LHFPL2: variants seen among roughly 807,000 people sequenced by gnomAD.
The protein encoded by LHFPL2 is LHFPL tetraspan subfamily member 2, also known as LHFPL tetraspan subfamily member 2 protein.
A neutral mutation model predicts 17.5 loss-of-function variants in LHFPL2; 7 were observed. The observed-to-expected ratio is 0.40, with a 90% CI of 0.23 to 0.75. The LOEUF (loss-of-function observed/expected upper bound fraction) is 0.75, where lower values mean the gene tolerates loss of function less well. Among genes scored for constraint, LHFPL2 ranks in the 30% least tolerant of loss-of-function variants. LHFPL2 has a pLI of 0.37. For synonymous variants in LHFPL2, 134 were observed against 116.2 expected (o/e 1.15, Z -0.99); for missense variants, 241 against 294.8 (o/e 0.82, Z 1.34).
chr5:78,546,619 G>A (rs998465724), intron 3 of LHFPL2, among the ~76,000 whole-genome samples: 1 of 152,216 alleles, frequency 6.6e-6, no homozygotes, highest in African/African-American at 2.4e-5. Flanking sequence ...ACTTGCTGGT[G>A]CTTACTTAGA....
chr5:78,547,766 G>A (rs1402093485), intron 3 of LHFPL2, among the ~76,000 whole-genome samples: 2 of 152,172 alleles, frequency 1.3e-5, no homozygotes, highest in African/African-American at 2.4e-5. Flanking sequence ...AGCAGGCCCC[G>A]CCTCCTCGGT....
chr5:78,515,612 T>C (rs1489579277), intron 3 of LHFPL2, among the ~76,000 whole-genome samples: 1 of 152,206 alleles, frequency 6.6e-6, no homozygotes, highest in Non-Finnish European at 1.5e-5. Context: ...CTCCAGAGTG[T>C]TGCTTCTTAA....
At chr5:78,535,648 G>A (rs1755926129) in intron 3 of LHFPL2, among the ~76,000 whole-genome samples, 1 of 152,178 alleles carries the variant, frequency 6.6e-6, no homozygotes, top group African/African-American at 2.4e-5. Flanking sequence ...TGCTGATGCT[G>A]CAGTAGGTGG....
Position 78,487,696 on chromosome 5 carries a change from G to A in LHFPL2, c.*1201C>T, listed in dbSNP as rs1754294371. The A allele has an allele frequency of 6.6e-6, 1 of 152,170 alleles. No individual in the cohort carries two copies. Among genetic ancestry groups the A allele is most frequent in the Non-Finnish European group, 1.5e-5 (1 of 68,026 alleles). The allele number at this position is 152,170 out of a possible 1,614,324, so 9.4% of individuals were successfully genotyped here. A position where few individuals can be genotyped will look rare whatever the true frequency, so the allele number is the denominator to read the frequency against. On this transcript the variant is annotated 3_prime_UTR_variant, in exon 5 of 5. Transcript: ENST00000380345. ...GGTATTTGATTCTTTTTGTAAACAG[G>A]TGTAGGCAGTGCTGTGACCTTGATC... is the stretch of plus-strand genomic sequence containing the variant.
intron 2 of LHFPL2, among the ~76,000 whole-genome samples, chr5:78,567,021 A>C (rs1460225468): frequency 6.6e-6 from 1 of 152,208 alleles, no homozygotes; most frequent in African/African-American, 2.4e-5. Flanking sequence ...TCAAAATTCA[A>C]AGATAACATT....
At chr5:78,631,220 G>A (rs1010716258) in intron 2 of LHFPL2, among the ~76,000 whole-genome samples, 3 of 152,158 alleles carry the variant, frequency 2.0e-5, no homozygotes, top group East Asian at 1.9e-4. Flanking sequence ...TTGCCTTTAC[G>A]TTTAGATAAT....
intron 1 of LHFPL2, among the ~76,000 whole-genome samples, chr5:78,645,585 C>G (rs1164810916): frequency 8.1e-6 from 1 of 123,316 alleles, no homozygotes; most frequent in Non-Finnish European, 1.8e-5. Context: ...CACACACACA[C>G]ACACACATTT....
intron 2 of LHFPL2, among the ~76,000 whole-genome samples, chr5:78,601,415 G>A (rs1311183900): frequency 1.3e-5 from 2 of 152,152 alleles, no homozygotes; most frequent in Non-Finnish European, 2.9e-5. Context: ...CTGTCCAGGG[G>A]AAGTTCTCAC....
intron 3 of LHFPL2, among the ~76,000 whole-genome samples, chr5:78,546,298 G>T (rs1756271992): frequency 6.6e-6 from 1 of 152,156 alleles, no homozygotes; most frequent in Non-Finnish European, 1.5e-5. Context: ...CGCATCTCTG[G>T]CAGGAAAGAC....
At chr5:78,557,987 C>T (rs1053489831) in intron 3 of LHFPL2, among the ~76,000 whole-genome samples, 84 of 152,114 alleles carry the variant, frequency 5.5e-4, no homozygotes, top group African/African-American at 2.0e-3. Context: ...TTGAATTAAT[C>T]CAAGAGAATA....
rs767755035 is a variant in LHFPL2 at position 78,486,114 on chromosome 5, TAAA to T, written c.*2780_*2782del. The T allele has an allele frequency of 1.2e-4, 19 of 152,542 alleles. No homozygotes were observed. Among genetic ancestry groups the T allele is most frequent in the African/African-American group, 3.6e-4 (15 of 41,414 alleles). The allele number at this position is 152,542 out of a possible 1,614,324, so 9.4% of individuals were successfully genotyped here. A position where few individuals can be genotyped will look rare whatever the true frequency, so the allele number is the denominator to read the frequency against. ...TATATATTTTTAAATATGCTACACA[TAAA>T]AAAAGACTATGGCACTTTACAGAAT... On this transcript the variant is annotated 3_prime_UTR_variant, in exon 5 of 5. Coordinates refer to ENST00000380345, the MANE Select transcript of LHFPL2 (RefSeq NM_005779.3).
intron 3 of LHFPL2, among the ~76,000 whole-genome samples, chr5:78,561,140 C>T (rs571693288): frequency 6.6e-6 from 1 of 152,112 alleles, no homozygotes; most frequent in African/African-American, 2.4e-5. Flanking sequence ...CTCAAAATTT[C>T]CATCAGGAAT....
chr5:78,518,920 T>C (rs1407487868), intron 3 of LHFPL2, among the ~76,000 whole-genome samples: 2 of 152,144 alleles, frequency 1.3e-5, no homozygotes, highest in Non-Finnish European at 2.9e-5. Flanking sequence ...ACCAGGCCAC[T>C]TAAAAACAAA....
rs146071178 is a variant in LHFPL2 at position 78,610,891 on chromosome 5, T to C, written c.-245+21373A>G. Among the ~76,000 whole-genome samples, 511 of 147,226 alleles carry C rather than the reference T, an allele frequency of 3.5e-3. 4 individuals are homozygous for C. The highest frequency in any genetic ancestry group is 0.012 in the African/African-American group (497 of 39,790). ...CACATATCATGTGGCAAAGAGGAGA[T>C]GTCATTAGACCATAAGCAAAAAAAA... On this transcript the variant is annotated intron_variant, in intron 2 of 4. Coordinates refer to ENST00000380345, the MANE Select transcript of LHFPL2 (RefSeq NM_005779.3).
intron 3 of LHFPL2, among the ~76,000 whole-genome samples, chr5:78,545,572 C>A (rs1756247580): frequency 6.6e-6 from 1 of 152,234 alleles, no homozygotes. Flanking sequence ...ATGAGACGAA[C>A]TCACTACAGC....
chr5:78,567,087 C>T (rs1756879277), intron 2 of LHFPL2, among the ~76,000 whole-genome samples: 1 of 152,192 alleles, frequency 6.6e-6, no homozygotes, highest in South Asian at 2.1e-4. Context: ...ACAGTTAAGA[C>T]AGTCAAGACC....
chr5:78,509,673 A>G, intron 4 of LHFPL2, 111 bp downstream of exon 4: 1 of 1,099,516 alleles, frequency 9.1e-7, no homozygotes. Flanking sequence ...GAATAGACAG[A>G]AAGTGGTCTT....
chr5:78,509,555 C>T (rs947340607), intron 4 of LHFPL2, among the ~76,000 whole-genome samples: 1 of 152,152 alleles, frequency 6.6e-6, no homozygotes, highest in South Asian at 2.1e-4. Context: ...AGGAGGACCA[C>T]GTAAGACCAG....
chr5:78,604,282 A>G (rs576579658), intron 2 of LHFPL2, among the ~76,000 whole-genome samples: 1 of 151,420 alleles, frequency 6.6e-6, no homozygotes, highest in African/African-American at 2.4e-5. Context: ...GTTCGACACC[A>G]GCCTGGCCAA....
Sources: allele counts gnomAD v4.1 joint callset (sites outside exome capture counted in the v4.1 genomes callset), GRCh38; gene constraint gnomAD v4.1.1; transcripts MANE v1.5; gene names NCBI Gene and HGNC (gene_info 2026-07-23, HGNC 2026-07-21).